Variants in RNF183 observed in about 807,000 individuals in gnomAD.
The protein encoded by RNF183 is ring finger protein 183, also known as E3 ubiquitin-protein ligase RNF183.
RNF183 carries 4 observed loss-of-function variants against 9.0 expected under a neutral mutation model. The ratio of observed to expected loss-of-function variants is 0.44; its 90% CI spans 0.22 to 1.01. The LOEUF (loss-of-function observed/expected upper bound fraction) is 1.01. Ranked by LOEUF, RNF183 falls within the 50% of genes least tolerant of loss-of-function variation. The probability of loss-of-function intolerance (pLI) is 0.25; values close to 1 mark genes in which losing one functional copy is unlikely to be tolerated. For missense variants in RNF183, 227 were observed against 253.6 expected, an observed-to-expected ratio of 0.89 and a Z score of 0.71; for synonymous variants, 102 against 107.5, an observed-to-expected ratio of 0.95 and a Z score of 0.32.
chr9:113,299,150 G>C (rs1832838694), intron 4 of RNF183: 1 of 152,280 alleles, frequency 6.6e-6, no homozygotes, highest in South Asian at 2.1e-4. Context: ...AGCCTCTTGA[G>C]CACACCTGCT....
Position 113,298,260 on chromosome 9 carries a change from A to C in RNF183, c.-37-39T>G. The C allele has an allele frequency of 7.8e-7, 1 of 1,282,454 alleles. No homozygotes were observed. The highest frequency in any genetic ancestry group is 1.1e-6 in the Non-Finnish European group (1 of 903,604). The allele number at this position is 1,282,454 out of a possible 1,614,324, so 79.4% of individuals were successfully genotyped here. A position where few individuals can be genotyped will look rare whatever the true frequency, so the allele number is the denominator to read the frequency against. On this transcript the variant is annotated intron_variant, in intron 4 of 4. Transcript: ENST00000489339. The surrounding 1 kb of genome is among the most constrained non-coding windows in gnomAD (Gnocchi z 4.9). ...GAAAGGAGCAAAGGAACAGCCATGA[A>C]GTCCCATCCTTGTGCTTGGCCTGGG...
intron 3 of RNF183, among the ~76,000 whole-genome samples, chr9:113,300,518 C>T (rs1295571979): frequency 6.6e-6 from 1 of 152,114 alleles, no homozygotes; most frequent in African/African-American, 2.4e-5. Context: ...GTGGCTGCTC[C>T]CAATGAGACC....
intron 1 of RNF183, among the ~76,000 whole-genome samples, chr9:113,302,600 C>T (rs983938895): frequency 4.6e-5 from 7 of 152,104 alleles, no homozygotes; most frequent in African/African-American, 1.7e-4. Flanking sequence ...TGCAGAAAGC[C>T]ATTTGATACT....
chr9:113,303,039 CCTCT>C lies in RNF183; in HGVS notation c.-441+13_-441+16del, dbSNP rs1204831535. ...GCCCTGTGACCCGTCCCTCCGCGAC[CCTCT>C]CTGTCTCCTTACCTGCTCCCTCGGA... On this transcript the variant is annotated intron_variant, in intron 1 of 4. Transcript: ENST00000489339. 2.0e-5 allele frequency: 3 copies of C among 152,714 alleles called. No homozygotes were observed. The highest frequency in any genetic ancestry group is 6.5e-5 in the Admixed American group (1 of 15,292). The allele number at this position is 152,714 out of a possible 1,614,324, so 9.5% of individuals were successfully genotyped here. A position where few individuals can be genotyped will look rare whatever the true frequency, so the allele number is the denominator to read the frequency against.
chr9:113,301,379 C>CTG (rs1403329736), intron 3 of RNF183, among the ~76,000 whole-genome samples: 1 of 152,148 alleles, frequency 6.6e-6, no homozygotes, highest in Non-Finnish European at 1.5e-5. Flanking sequence ...GTTCTGAACA[C>CTG]TGTAGGCAAT....
intron 2 of RNF183, 27 bp from the exon 3 acceptor site, chr9:113,301,778 C>T (rs952097019): frequency 1.3e-5 from 2 of 152,168 alleles, no homozygotes; most frequent in Non-Finnish European, 2.9e-5. Flanking sequence ...AAAGAGATGC[C>T]CATCCAGGCG....
At position 113,297,693 on chromosome 9, in the gene RNF183, G is replaced by A; in HGVS notation, c.492C>T (p.Ala164=). 2 of 1,614,074 alleles carry A rather than the reference G, an allele frequency of 1.2e-6. No homozygotes were observed. Among genetic ancestry groups the A allele is most frequent in the Non-Finnish European group, 1.7e-6 (2 of 1,180,002 alleles). ...CFRNPQFRIF[A]YLMAVILSVT... ...CACTGAGGATGACGGCCATCAGGTA[G>A]GCAAAGATGCGGAACTGAGGGTTGC... is the stretch of plus-strand genomic sequence containing the variant. Residue 164 remains alanine, a synonymous_variant, in exon 5 of 5, where the codon GCC becomes GCT. Transcript: ENST00000489339.
chr9:113,302,476 C>G (rs1455311180), intron 1 of RNF183, among the ~76,000 whole-genome samples, 163 bp from the exon 2 acceptor site: 4 of 152,222 alleles, frequency 2.6e-5, no homozygotes, highest in Non-Finnish European at 5.9e-5. Context: ...CAACCAAGAA[C>G]TGGCATTTCC....
Position 113,297,470 on chromosome 9 carries a change from C to A in RNF183, c.*136G>T. 1 of 566,312 alleles carries A rather than the reference C, an allele frequency of 1.8e-6. No homozygotes were observed. Among genetic ancestry groups the A allele is most frequent in the South Asian group, 4.3e-5 (1 of 23,226 alleles). 35.1% of individuals were successfully genotyped at this position (566,312 alleles called of 1,614,324 possible). A position where few individuals can be genotyped will look rare whatever the true frequency, so the allele number is the denominator to read the frequency against. On this transcript the variant is annotated 3_prime_UTR_variant, in exon 5 of 5. Coordinates refer to ENST00000489339, the MANE Select transcript of RNF183 (RefSeq NM_001371237.1). ...TTTTTTTTAAAATTGTTCCCAGAAG[C>A]AAACACATGGCCTGAACAATCCCTG... is the stretch of plus-strand genomic sequence containing the variant.
rs1366763390 is a variant in RNF183, at chr9:113,297,654, G to A, written c.531C>T (p.Leu177=). Residue 177 remains leucine (L), a synonymous_variant, in exon 5 of 5, where the codon CTC becomes CTT. Transcript: ENST00000489339. ...MAVILSVTLL[L]IFSIFWTKQF... is the part of the protein sequence containing the mutation. ...GCTTGGTCCAAAAGATGGAGAATATGAGCAACAGAGTGACACTGAGGATGA... is the reference window on the plus strand; with the variant it reads ...GCTTGGTCCAAAAGATGGAGAATATAAGCAACAGAGTGACACTGAGGATGA... 3 of 1,612,608 alleles carry A rather than the reference G, an allele frequency of 1.9e-6. No homozygotes were observed. Among genetic ancestry groups the A allele is most frequent in the Non-Finnish European group, 1.7e-6 (2 of 1,179,324 alleles).
rs191126567 is a variant in RNF183, at chr9:113,300,825, T to C, written c.-242+847A>G. On this transcript the variant is annotated intron_variant, in intron 3 of 4. Transcript: ENST00000489339. ...GTAAGGTACCTGATCCTATTTCCAT[T>C]TTTAAAACACCATTCTAGCTGCAGA... Among the ~76,000 whole-genome samples, 33 of 152,210 alleles carry C rather than the reference T, an allele frequency of 2.2e-4. No homozygotes were observed. The East Asian group carries it at 6.0e-3, about 28-fold the overall frequency.
rs1409380073 is a variant in RNF183 at position 113,298,062 on chromosome 9, C to T, written c.123G>A (p.Leu41=). 1.9e-6 allele frequency: 3 copies of T among 1,613,912 alleles called. No homozygotes were observed. In the East Asian group the frequency reaches 6.7e-5, roughly 36 times the overall value. ...DCCHSFCVEC[L]AHLSLVTPAR... ...CTGGAGTCACAAGGCTGAGGTGGGC[C>T]AGACATTCCACGCAGAAGGAGTGGC... Residue 41 remains leucine (L), a synonymous_variant, in exon 5 of 5, where the codon CTG becomes CTA. Coordinates refer to ENST00000489339, the MANE Select transcript of RNF183 (RefSeq NM_001371237.1). The surrounding 1 kb of genome is among the most constrained non-coding windows in gnomAD (Gnocchi z 4.9).
chr9:113,297,758 T>C lies in RNF183; in HGVS notation c.427A>G (p.Ile143Val), dbSNP rs1832768957. 1 of 1,613,946 alleles carries C rather than the reference T, an allele frequency of 6.2e-7. No individual in the cohort carries two copies. The highest frequency in any genetic ancestry group is 2.2e-5 in the East Asian group (1 of 44,848). Reference protein sequence around the residue: ...DTASATVSTPILIPSHHSLRE... With the variant: ...DTASATVSTPVLIPSHHSLRE... ...AAAGAGTGGTGGCTGGGGATGAGGA[T>C]GGGCGTAGACACGGTGGCAGAGGCC... Residue 143 changes from isoleucine (I) to valine (V), a missense_variant, in exon 5 of 5, where the codon ATC (isoleucine) becomes GTC (valine). Ile to Val is a conservative substitution (Grantham distance 29). Transcript: ENST00000489339.
In RNF183 at chr9:113,297,697, A is replaced by G. The variant is rs947312076; in HGVS notation, c.488T>C (p.Phe163Ser). 4 of 1,614,080 alleles carry G rather than the reference A, an allele frequency of 2.5e-6. No individual in the cohort carries two copies. Among genetic ancestry groups the G allele is most frequent in the Non-Finnish European group, 3.4e-6 (4 of 1,180,004 alleles). ...ECFRNPQFRI[F>S]AYLMAVILSV... is the part of the protein sequence containing the mutation. ...GAGGATGACGGCCATCAGGTAGGCA[A>G]AGATGCGGAACTGAGGGTTGCGGAA... The change falls in exon 5 of 5, where the codon TTT becomes TCT. Residue 163 changes from phenylalanine (F) to serine (S), a missense_variant. Coordinates refer to ENST00000489339, the MANE Select transcript of RNF183 (RefSeq NM_001371237.1).
intron 3 of RNF183, among the ~76,000 whole-genome samples, chr9:113,300,893 C>T (rs972199541): frequency 6.6e-6 from 1 of 152,078 alleles, no homozygotes; most frequent in African/African-American, 2.4e-5. Context: ...AAGGGAACAC[C>T]CGTTCGGGCT....
chr9:113,299,251 C>T (rs1832841719), intron 4 of RNF183: 1 of 152,266 alleles, frequency 6.6e-6, no homozygotes, highest in Admixed American at 6.5e-5. Flanking sequence ...ACTAATTGAA[C>T]CTGGAAGCCA....
rs756134195 is a variant in RNF183 at position 113,297,842 on chromosome 9, C to T, written c.343G>A (p.Val115Ile). The change falls in exon 5 of 5, where the codon GTC (valine) becomes ATC (isoleucine). Residue 115 changes from valine to isoleucine, a missense_variant. Transcript: ENST00000489339. ...KSRYFLRQPQ[V>I]YTLDLGPQPG... ...TGGGGGCCAAGGTCCAGCGTGTAGA[C>T]TTGAGGCTGGCGCAGGAAGTAGCGG... The T allele has an allele frequency of 2.5e-6, 4 of 1,604,052 alleles. No homozygotes were observed. The highest frequency in any genetic ancestry group is 2.3e-5 in the East Asian group (1 of 44,332).
chr9:113,297,848 G>T lies in RNF183; in HGVS notation c.337C>A (p.Pro113Thr), dbSNP rs1287977725. The T allele has an allele frequency of 2.5e-6, 4 of 1,604,512 alleles. No individual in the cohort carries two copies. The highest frequency in any genetic ancestry group is 2.6e-6 in the Non-Finnish European group (3 of 1,175,154). ...QPKSRYFLRQ[P>T]QVYTLDLGPQ... ...CCAAGGTCCAGCGTGTAGACTTGAG[G>T]CTGGCGCAGGAAGTAGCGGCTCTTG... Residue 113 changes from proline to threonine, a missense_variant, in exon 5 of 5, where the codon CCT becomes ACT. Physicochemically the swap from Pro to Thr is conservative, Grantham distance 38 (BLOSUM62 -1). Coordinates refer to ENST00000489339, the MANE Select transcript of RNF183 (RefSeq NM_001371237.1).
chr9:113,300,143 C>G (rs1436533746), intron 3 of RNF183, among the ~76,000 whole-genome samples: 2 of 152,186 alleles, frequency 1.3e-5, no homozygotes, highest in Non-Finnish European at 2.9e-5. Flanking sequence ...CCTGCTTATA[C>G]TCTCGGACCT....
Sources: allele counts gnomAD v4.1 joint callset (sites outside exome capture counted in the v4.1 genomes callset), GRCh38; gene constraint gnomAD v4.1.1; non-coding constraint Gnocchi (gnomAD v3.1); transcripts MANE v1.5; gene names NCBI Gene and HGNC (gene_info 2026-07-23, HGNC 2026-07-21).